HDX: variants seen among roughly 807,000 people sequenced by gnomAD.
The protein encoded by HDX is highly divergent homeobox.
A neutral mutation model predicts 45.2 loss-of-function variants in HDX; 19 were observed. That is an observed-to-expected ratio of 0.42 (90% CI 0.29 to 0.62). The LOEUF is 0.62. HDX is among the 20% of genes least tolerant of loss of function. HDX has a pLI of 0.20. For synonymous variants in HDX, 188 were observed against 172.8 expected, an observed-to-expected ratio of 1.09 and a Z score of -0.69; for missense variants, 532 against 493.9, an observed-to-expected ratio of 1.08 and a Z score of -0.73.
rs1171535165 is a variant in HDX at position 84,319,237 on chromosome X, TAAAG to T, written c.*2648_*2651del. 9.0e-6 allele frequency: 1 copy of T among 110,919 alleles called. No homozygotes were observed. The highest frequency in any genetic ancestry group is 9.6e-5 in the Admixed American group (1 of 10,397). The allele number at this position is 110,919 out of a possible 1,213,427, so 9.1% of individuals were successfully genotyped here. A position where few individuals can be genotyped will look rare whatever the true frequency, so the allele number is the denominator to read the frequency against. On this transcript the variant is annotated 3_prime_UTR_variant, in exon 11 of 11. Coordinates refer to ENST00000373177, the MANE Select transcript of HDX (RefSeq NM_001177479.2). ...GTCTGTTTTAATAATCTCAAAGCCCTAAAGAAAGAAACACTAGTTAGTTAATTTT... is the reference window on the plus strand; with the variant it reads ...GTCTGTTTTAATAATCTCAAAGCCCTAAAGAAACACTAGTTAGTTAATTTT...
intron 2 of HDX, 95 bp from the exon 3 acceptor site, chrX:84,475,492 C>A: frequency 2.0e-6 from 1 of 507,413 alleles, no homozygotes; most frequent in Non-Finnish European, 3.1e-6. Context: ...TCAATGCTTC[C>A]AAGCTGTAAA....
intron 4 of HDX, among the ~76,000 whole-genome samples, chrX:84,449,562 C>T (rs2039950490): frequency 8.9e-6 from 1 of 111,940 alleles, no homozygotes; most frequent in Non-Finnish European, 1.9e-5. Context: ...ATATTATACT[C>T]AGTAAAGTTA....
chrX:84,377,607 C>A (rs2038087678), intron 5 of HDX, among the ~76,000 whole-genome samples: 1 of 110,011 alleles, frequency 9.1e-6, no homozygotes, highest in African/African-American at 3.3e-5. Flanking sequence ...ATTGATATAC[C>A]AAAGAATGCA....
intron 2 of HDX, among the ~76,000 whole-genome samples, chrX:84,486,267 A>G (rs905209612): frequency 4.5e-5 from 5 of 111,417 alleles, no homozygotes; most frequent in African/African-American, 1.6e-4. Flanking sequence ...AATGACAACT[A>G]TCTAGGTACC....
At chrX:84,377,065 G>C (rs750350029) in intron 5 of HDX, among the ~76,000 whole-genome samples, 7 of 112,238 alleles carry the variant, frequency 6.2e-5, no homozygotes, top group Non-Finnish European at 1.3e-4. Flanking sequence ...GACTGACCTC[G>C]TTTGTTTGGG....
chrX:84,381,214 T>G (rs1284582957), intron 5 of HDX, among the ~76,000 whole-genome samples: 2 of 111,168 alleles, frequency 1.8e-5, no homozygotes, highest in Admixed American at 9.5e-5. Flanking sequence ...CACCACAAAA[T>G]GGAGAAGCAT....
intron 1 of HDX, among the ~76,000 whole-genome samples, chrX:84,495,992 C>A (rs2040994319): frequency 9.0e-6 from 1 of 111,654 alleles, no homozygotes; most frequent in African/African-American, 3.3e-5. Context: ...ATGTTGGTGA[C>A]AGTGAACCCA....
At position 84,475,387 on chromosome X, in the gene HDX, C is replaced by T. The variant is rs754085293; in HGVS notation, c.11G>A (p.Arg4His). 18 of 1,106,736 alleles carry T rather than the reference C, an allele frequency of 1.6e-5. No homozygotes were observed. Among genetic ancestry groups the T allele is most frequent in the South Asian group, 1.5e-4 (7 of 48,007 alleles). 91.2% of individuals were successfully genotyped at this position (1,106,736 alleles called of 1,213,427 possible). Residue 4 changes from arginine to histidine, a missense_variant, in exon 3 of 11, where the codon CGT becomes CAT. By Grantham distance (29) the Arg-to-His change is conservative (BLOSUM62 0). Transcript: ENST00000373177. MNLRSVFTVEQQRI... is the reference protein window; with the variant it reads MNLHSVFTVEQQRI... ...TTGTTGTTCTACAGTAAATACAGAA[C>T]GTAGATTCATCTAAAAATAAAAGAA...
chrX:84,429,691 A>G (rs2039459412), intron 5 of HDX, among the ~76,000 whole-genome samples: 1 of 110,221 alleles, frequency 9.1e-6, no homozygotes, highest in South Asian at 3.8e-4. Context: ...CATTGTCTAG[A>G]ACCTCCAGTA....
chrX:84,438,421 T>C (rs2039686516), intron 5 of HDX, among the ~76,000 whole-genome samples: 1 of 111,029 alleles, frequency 9.0e-6, no homozygotes, highest in Non-Finnish European at 1.9e-5. Flanking sequence ...ACTCTTATTA[T>C]AAATTAAAGT....
chrX:84,399,431 A>T (rs1294290863), intron 5 of HDX, among the ~76,000 whole-genome samples: 1 of 111,567 alleles, frequency 9.0e-6, no homozygotes, highest in Non-Finnish European at 1.9e-5. Flanking sequence ...TAATATTATA[A>T]ATACCTCTAC....
chrX:84,350,772 A>G (rs1388131029), intron 6 of HDX, among the ~76,000 whole-genome samples: 2 of 111,802 alleles, frequency 1.8e-5, no homozygotes, highest in African/African-American at 6.5e-5. Flanking sequence ...TAAAAATCCA[A>G]TTTGCAAATT....
chrX:84,351,908 A>C (rs1174012892), intron 6 of HDX, among the ~76,000 whole-genome samples: 2 of 112,105 alleles, frequency 1.8e-5, no homozygotes, highest in African/African-American at 6.5e-5. Context: ...TTTCTTACGC[A>C]ATTTTCAGAA....
chrX:84,438,507 G>C (rs1242855434), intron 5 of HDX, among the ~76,000 whole-genome samples: 2 of 109,406 alleles, frequency 1.8e-5, no homozygotes, highest in African/African-American at 6.6e-5. Flanking sequence ...CATAAGTATA[G>C]TACCCAACAG....
intron 5 of HDX, among the ~76,000 whole-genome samples, chrX:84,377,931 C>T (rs1338178364): frequency 2.7e-5 from 3 of 110,651 alleles, no homozygotes; most frequent in East Asian, 5.8e-4. Context: ...AGATATAACC[C>T]AAAGAAGACT....
chrX:84,367,845 C>A (rs975982730), intron 5 of HDX, among the ~76,000 whole-genome samples: 2 of 111,099 alleles, frequency 1.8e-5, no homozygotes, highest in Non-Finnish European at 3.8e-5. Flanking sequence ...ACCACTGAGG[C>A]CTGTTGGGGT....
At chrX:84,404,735 G>A (rs1247018707) in intron 5 of HDX, among the ~76,000 whole-genome samples, 5 of 111,414 alleles carry the variant, frequency 4.5e-5, no homozygotes, top group African/African-American at 9.8e-5. Flanking sequence ...AGTTTCTTAA[G>A]TACTTGGATA....
intron 5 of HDX, among the ~76,000 whole-genome samples, chrX:84,411,453 T>G (rs763195225): frequency 7.1e-5 from 8 of 112,015 alleles, no homozygotes; most frequent in Non-Finnish European, 1.3e-4. Context: ...GCTTAATTTC[T>G]GTATAATTGT....
intron 3 of HDX, among the ~76,000 whole-genome samples, chrX:84,472,035 G>A (rs151242724): frequency 1.2e-3 from 134 of 108,987 alleles, no homozygotes; most frequent in African/African-American, 4.3e-3. Flanking sequence ...AAAATTAATG[G>A]GAAAGCACAG....
Sources: allele counts gnomAD v4.1 joint callset (sites outside exome capture counted in the v4.1 genomes callset), GRCh38; gene constraint gnomAD v4.1.1; transcripts MANE v1.5; gene names NCBI Gene and HGNC (gene_info 2026-07-23, HGNC 2026-07-21).